Variants in LMBRD1 observed in about 807,000 individuals in gnomAD.
LMBRD1 encodes the protein lysosomal cobalamin transport escort protein LMBD1.
LMBRD1 carries 64 observed loss-of-function variants against 74.8 expected under a neutral mutation model. The ratio of observed to expected loss-of-function variants is 0.86; its 90% CI spans 0.70 to 1.05. The LOEUF (loss-of-function observed/expected upper bound fraction) is 1.05, where lower values mean the gene tolerates loss of function less well. Ranked by LOEUF, LMBRD1 falls within the 50% of genes least tolerant of loss-of-function variation. LMBRD1 has a pLI of 0.00. For missense variants in LMBRD1, 652 were observed against 645.9 expected, an observed-to-expected ratio of 1.01 and a Z score of -0.10; for synonymous variants, 204 against 216.3, an observed-to-expected ratio of 0.94 and a Z score of 0.50.
intron 7 of LMBRD1, among the ~76,000 whole-genome samples, chr6:69,723,407 C>T (rs1162338593): frequency 6.6e-6 from 1 of 152,072 alleles, no homozygotes; most frequent in African/African-American, 2.4e-5. Context: ...CAAGGATAAA[C>T]CATATGTTAG....
intron 7 of LMBRD1, among the ~76,000 whole-genome samples, chr6:69,720,419 C>T (rs554026163): frequency 3.9e-5 from 6 of 152,080 alleles, no homozygotes; most frequent in South Asian, 4.1e-4. Context: ...CAAAAAAGGA[C>T]GGGGTGGAAG....
intron 3 of LMBRD1, among the ~76,000 whole-genome samples, chr6:69,771,037 A>G (rs1279550695): frequency 6.6e-6 from 1 of 152,224 alleles, no homozygotes; most frequent in Non-Finnish European, 1.5e-5. Flanking sequence ...CAACATTAAT[A>G]TAACAGTGAT....
chr6:69,771,272 G>A (rs999401346), intron 3 of LMBRD1, among the ~76,000 whole-genome samples: 1 of 152,184 alleles, frequency 6.6e-6, no homozygotes. Context: ...CACTCACTGC[G>A]TTTTTGGCAG....
intron 7 of LMBRD1, among the ~76,000 whole-genome samples, chr6:69,727,677 C>A (rs1288441871): frequency 1.3e-5 from 2 of 152,130 alleles, no homozygotes; most frequent in African/African-American, 4.8e-5. Context: ...ACTGCACTTG[C>A]ACCCTCTAAA....
rs375527821 is a variant in LMBRD1, at chr6:69,735,558, A to C, written c.636+2384T>G. ...ATACTATGTCAGTTTAATTGATTTAAATAATTTTCAAAGTTTCCATTTAAA... is the reference window on the plus strand; with the variant it reads ...ATACTATGTCAGTTTAATTGATTTACATAATTTTCAAAGTTTCCATTTAAA... On this transcript the variant is annotated intron_variant, in intron 7 of 15. Coordinates refer to ENST00000649934, the MANE Select transcript of LMBRD1 (RefSeq NM_018368.4). Among the ~76,000 whole-genome samples, 19 of 152,334 alleles carry C rather than the reference A, an allele frequency of 1.2e-4. No individual in the cohort carries two copies. The East Asian group carries it at 2.5e-3, about 20-fold the overall frequency.
intron 14 of LMBRD1, among the ~76,000 whole-genome samples, chr6:69,682,052 T>A (rs1283649355): frequency 1.3e-5 from 2 of 151,806 alleles, no homozygotes; most frequent in Non-Finnish European, 2.9e-5. Context: ...GGATTTAAAA[T>A]CCTAATGTTT....
intron 14 of LMBRD1, among the ~76,000 whole-genome samples, chr6:69,689,350 C>A (rs1256545915): frequency 6.6e-6 from 1 of 152,062 alleles, no homozygotes; most frequent in Non-Finnish European, 1.5e-5. Flanking sequence ...ATTAAAAAAC[C>A]TCACTCATCT....
chr6:69,745,529 A>T (rs982519830), intron 5 of LMBRD1, among the ~76,000 whole-genome samples: 2 of 152,106 alleles, frequency 1.3e-5, no homozygotes, highest in Admixed American at 6.5e-5. Flanking sequence ...AAGTGCTGGG[A>T]TTACAGGCGT....
chr6:69,687,034 C>A (rs1765778104), intron 14 of LMBRD1, among the ~76,000 whole-genome samples: 1 of 152,178 alleles, frequency 6.6e-6, no homozygotes, highest in Non-Finnish European at 1.5e-5. Context: ...CAGAGTGATC[C>A]TGTGAGAACA....
At chr6:69,738,580 G>A (rs1053440858) in intron 6 of LMBRD1, among the ~76,000 whole-genome samples, 1 of 149,754 alleles carries the variant, frequency 6.7e-6, no homozygotes, top group South Asian at 2.1e-4. Flanking sequence ...CAAACACAAC[G>A]AGAAAATAGG....
chr6:69,701,430 A>G lies in LMBRD1; in HGVS notation c.1083+13T>C, dbSNP rs1168251820. ...TAGCAGCTACAGTATAAAATGATTGATATTTTACTTACTGTTTGTAGTAAA... is the reference window on the plus strand; with the variant it reads ...TAGCAGCTACAGTATAAAATGATTGGTATTTTACTTACTGTTTGTAGTAAA... On this transcript the variant is annotated intron_variant, in intron 11 of 15. Transcript: ENST00000649934. The G allele has an allele frequency of 7.0e-7, 1 of 1,422,030 alleles. No individual in the cohort carries two copies. Among genetic ancestry groups the G allele is most frequent in the Admixed American group, 1.7e-5 (1 of 59,076 alleles). The allele number at this position is 1,422,030 out of a possible 1,614,324, so 88.1% of individuals were successfully genotyped here. A position where few individuals can be genotyped will look rare whatever the true frequency, so the allele number is the denominator to read the frequency against.
intron 1 of LMBRD1, among the ~76,000 whole-genome samples, chr6:69,796,156 G>C (rs1212107101): frequency 6.6e-6 from 1 of 152,176 alleles, no homozygotes. Flanking sequence ...GAAAGCACCT[G>C]AGGTCAGACA....
At chr6:69,711,555 G>A (rs1766384110) in intron 9 of LMBRD1, among the ~76,000 whole-genome samples, 1 of 152,124 alleles carries the variant, frequency 6.6e-6, no homozygotes, top group African/African-American at 2.4e-5. Flanking sequence ...TAAAGCTGGA[G>A]AGAGTTTCAT....
chr6:69,675,071 C>T lies in LMBRD1; in HGVS notation c.*1087G>A, dbSNP rs1002828360. Reference sequence around the variant, plus strand: ...TAGTTGCAGAAGCAGAAGCCAAATACGAAAGCTGTGAAGGTTTATCAAGAG... The same window carrying T: ...TAGTTGCAGAAGCAGAAGCCAAATATGAAAGCTGTGAAGGTTTATCAAGAG... On this transcript the variant is annotated 3_prime_UTR_variant, in exon 16 of 16. Coordinates refer to ENST00000649934, the MANE Select transcript of LMBRD1 (RefSeq NM_018368.4). 1.3e-5 allele frequency among the ~76,000 whole-genome samples: 2 copies of T among 152,084 alleles called. No individual in the cohort carries two copies. Among genetic ancestry groups the T allele is most frequent in the South Asian group, 2.1e-4 (1 of 4,812 alleles).
intron 5 of LMBRD1, chr6:69,746,171 C>T (rs1767224757): frequency 6.5e-6 from 1 of 154,130 alleles, no homozygotes; most frequent in Admixed American, 6.5e-5. Flanking sequence ...CTACCAGCAT[C>T]TTCACTACCA....
At chr6:69,763,221 TAAAAAGA>T (rs1765407579) in intron 3 of LMBRD1, among the ~76,000 whole-genome samples, 2 of 87,070 alleles carry the variant, frequency 2.3e-5, no homozygotes, top group Non-Finnish European at 4.7e-5. Flanking sequence ...CTGCTTAGAA[TAAAAAGA>T]AAAAAGAAAA....
intron 2 of LMBRD1, among the ~76,000 whole-genome samples, chr6:69,786,949 A>T (rs529834268): frequency 3.3e-5 from 5 of 152,364 alleles, no homozygotes; most frequent in Admixed American, 1.3e-4. Flanking sequence ...AGAGAAAGTT[A>T]GAGAATGTAT....
intron 2 of LMBRD1, among the ~76,000 whole-genome samples, chr6:69,782,299 C>T (rs1412761282): frequency 6.6e-6 from 1 of 152,196 alleles, no homozygotes. Context: ...GGAGCTGTAC[C>T]AAATTCCATC....
rs1198975552 is a variant in LMBRD1 at position 69,741,813 on chromosome 6, G to A, written c.538C>T (p.Leu180=). ...NSTEWEKVKS[L]FEELGSSHGL... is the part of the protein sequence containing the mutation. ...CGACTACTTCCAAGTTCTTCAAATA[G>A]GGACTTCACTTTTTCCCACTCTGTA... The change falls in exon 6 of 16, where the codon CTA becomes TTA. Residue 180 remains leucine, a synonymous_variant. Coordinates refer to ENST00000649934, the MANE Select transcript of LMBRD1 (RefSeq NM_018368.4). 1.9e-6 allele frequency: 3 copies of A among 1,600,744 alleles called. No homozygotes were observed. The South Asian group carries it at 3.3e-5, about 18-fold the overall frequency.
Sources: gnomAD v4.1 joint callset for allele counts (sites outside exome capture counted in the v4.1 genomes callset) on GRCh38, gnomAD v4.1.1 for gene constraint, MANE v1.5 for transcripts, NCBI Gene and HGNC (gene_info 2026-07-23, HGNC 2026-07-21) for gene names.